Variants in LYST observed in about 807,000 individuals in gnomAD.
The protein encoded by LYST is lysosomal-trafficking regulator.
LYST carries 192 observed loss-of-function variants against 413.6 expected under a neutral mutation model. The observed-to-expected ratio is 0.46, with a 90% CI of 0.41 to 0.52. LYST has a LOEUF of 0.52. Ranked by LOEUF, LYST falls within the 20% of genes least tolerant of loss-of-function variation. The pLI is 0.00. For missense variants in LYST, 3,815 were observed against 4,499.9 expected, an observed-to-expected ratio of 0.85 and a Z score of 4.35; for synonymous variants, 1,525 against 1,567.3, an observed-to-expected ratio of 0.97 and a Z score of 0.64.
At chr1:235,764,785 G>T (rs1016435837) in intron 21 of LYST, among the ~76,000 whole-genome samples, 1 of 151,976 alleles carries the variant, frequency 6.6e-6, no homozygotes, top group Non-Finnish European at 1.5e-5. Context: ...TTACAGGCGT[G>T]AGCCACCGTG....
intron 50 of LYST, among the ~76,000 whole-genome samples, chr1:235,665,437 C>A (rs924363307): frequency 6.6e-5 from 10 of 151,518 alleles, no homozygotes; most frequent in South Asian, 2.1e-4. Context: ...TGGTGAAACC[C>A]CATCTCTACT....
chr1:235,830,661 T>C (rs1675875131), intron 2 of LYST, among the ~76,000 whole-genome samples: 1 of 152,198 alleles, frequency 6.6e-6, no homozygotes, highest in African/African-American at 2.4e-5. Flanking sequence ...TAGCTGAGAA[T>C]AGGTAAGTAA....
intron 50 of LYST, among the ~76,000 whole-genome samples, chr1:235,671,713 T>C (rs891348967): frequency 6.6e-6 from 1 of 151,930 alleles, no homozygotes; most frequent in Non-Finnish European, 1.5e-5. Flanking sequence ...GGTTATAGCA[T>C]AGTGATTAAG....
intron 10 of LYST, among the ~76,000 whole-genome samples, chr1:235,798,020 A>G (rs554334441): frequency 8.5e-5 from 13 of 152,348 alleles, no homozygotes; most frequent in African/African-American, 3.1e-4. Flanking sequence ...GTACATGAAA[A>G]GAGGTTCAAC....
chr1:235,794,039 G>T (rs972514425), intron 10 of LYST, among the ~76,000 whole-genome samples: 1 of 151,936 alleles, frequency 6.6e-6, no homozygotes, highest in African/African-American at 2.4e-5. Flanking sequence ...CACCATGTTG[G>T]CCAGGCTGGT....
chr1:235,789,806 C>T (rs949437461), intron 12 of LYST, among the ~76,000 whole-genome samples: 5 of 152,014 alleles, frequency 3.3e-5, no homozygotes, highest in Non-Finnish European at 7.4e-5. Flanking sequence ...ATGTTCCATA[C>T]CAAATATGAA....
At chr1:235,688,568 G>A (rs1486467653) in intron 47 of LYST, among the ~76,000 whole-genome samples, 2 of 152,120 alleles carry the variant, frequency 1.3e-5, no homozygotes, top group Non-Finnish European at 2.9e-5. Flanking sequence ...GCTGACAGAG[G>A]AAGATGTTTC....
At chr1:235,786,970 C>G in intron 14 of LYST, 2 of 358,834 alleles carry the variant, frequency 5.6e-6, no homozygotes, top group Non-Finnish European at 1.1e-5. Context: ...ATGGGTGCAG[C>G]ACACCAACAT....
Position 235,804,518 on chromosome 1 carries a change from C to T in LYST, c.3541G>A (p.Ala1181Thr), listed in dbSNP as rs574092172. Reference sequence around the variant, plus strand: ...GTTATTCATACCTTCTCAGTCATAGCATCATTATGTTCAAAATCTGCTGAA... The same window carrying T: ...GTTATTCATACCTTCTCAGTCATAGTATCATTATGTTCAAAATCTGCTGAA... ...NYSADFEHND[A>T]MTEKSHQSAE... Residue 1181 changes from alanine to threonine, a missense_variant, in exon 7 of 53, where the codon GCT becomes ACT. Ala to Thr is a moderately conservative substitution (Grantham distance 58). Around this residue, in one of 4 missense-constraint regions of LYST, gnomAD observed 1,648 missense variants for 1,810.3 expected, o/e 0.91. Transcript: ENST00000389793. 1.2e-6 allele frequency: 2 copies of T among 1,613,538 alleles called. No homozygotes were observed. The highest frequency in any genetic ancestry group is 2.7e-5 in the African/African-American group (2 of 75,036).
At chr1:235,771,884 A>G (rs1572207968) in intron 19 of LYST, among the ~76,000 whole-genome samples, 1 of 113,102 alleles carries the variant, frequency 8.8e-6, no homozygotes, top group Admixed American at 8.7e-5. Flanking sequence ...ACTTATTTTT[A>G]TTACTAATAG....
At position 235,751,344 on chromosome 1, in the gene LYST, T is replaced by C; in HGVS notation, c.7646A>G (p.Gln2549Arg). 1.2e-6 allele frequency: 2 copies of C among 1,613,750 alleles called. No homozygotes were observed. The highest frequency in any genetic ancestry group is 1.7e-6 in the Non-Finnish European group (2 of 1,179,756). Residue 2549 changes from glutamine (Q) to arginine (R), a missense_variant, in exon 28 of 53, where the codon CAG (glutamine) becomes CGG (arginine). Gln to Arg is a conservative substitution (Grantham distance 43). Around this residue, in one of 4 missense-constraint regions of LYST, gnomAD observed 771 missense variants for 837.1 expected, o/e 0.92. Coordinates refer to ENST00000389793, the MANE Select transcript of LYST (RefSeq NM_000081.4). Reference sequence around the variant, plus strand: ...CATAGCAGCCTGGAGAACTCTAAGCTGTAGTGCAACAGCCATATCTAAAAA... The same window carrying C: ...CATAGCAGCCTGGAGAACTCTAAGCCGTAGTGCAACAGCCATATCTAAAAA... The part of the protein sequence containing the change: ...KRTQNMAVAL[Q>R]LRVLQAAMEF...
At chr1:235,839,105 G>T (rs145150526) in intron 1 of LYST, among the ~76,000 whole-genome samples, 1 of 152,026 alleles carries the variant, frequency 6.6e-6, no homozygotes, top group Non-Finnish European at 1.5e-5. Flanking sequence ...GATTACAGGC[G>T]TGAGCCACTG....
At position 235,697,071 on chromosome 1, in the gene LYST, A is replaced by G. The variant is rs751710591; in HGVS notation, c.10564+12T>C. ...ATATATCCAGAATGATCTTCGTTAC[A>G]TTTTATTTTACCTTGTTCCTTGCTA... On this transcript the variant is annotated intron_variant, in intron 46 of 52. Coordinates refer to ENST00000389793, the MANE Select transcript of LYST (RefSeq NM_000081.4). 1.2e-6 allele frequency: 2 copies of G among 1,611,100 alleles called. No individual in the cohort carries two copies. The highest frequency in any genetic ancestry group is 1.7e-6 in the Non-Finnish European group (2 of 1,177,220).
intron 22 of LYST, among the ~76,000 whole-genome samples, chr1:235,762,308 A>G (rs1395093457): frequency 6.6e-6 from 1 of 152,224 alleles, no homozygotes; most frequent in Non-Finnish European, 1.5e-5. Flanking sequence ...AGTCCAAGAC[A>G]GATGCATGCA....
intron 27 of LYST, 130 bp from the exon 28 acceptor site, chr1:235,751,492 G>A: frequency 1.4e-6 from 1 of 729,776 alleles, no homozygotes; most frequent in South Asian, 1.8e-5. Flanking sequence ...TGGGGATGAT[G>A]GTAGTAGACA....
chr1:235,720,689 G>T lies in LYST; in HGVS notation c.9532C>A (p.Leu3178Ile). 6.2e-7 allele frequency: 1 copy of T among 1,613,706 alleles called. No individual in the cohort carries two copies. Among genetic ancestry groups the T allele is most frequent in the Non-Finnish European group, 8.5e-7 (1 of 1,179,618 alleles). Residue 3178 changes from leucine to isoleucine, a missense_variant, in exon 40 of 53, where the codon CTT (leucine) becomes ATT (isoleucine). Leu to Ile is a conservative substitution (Grantham distance 5). Coordinates refer to ENST00000389793, the MANE Select transcript of LYST (RefSeq NM_000081.4). ...FILADYVSET[L>I]DLNDLLIYRN... Reference sequence around the variant, plus strand: ...TATATCAACAGATCATTGAGGTCAAGTGTCTCACTAACGTAGTCAGCAAGT... The same window carrying T: ...TATATCAACAGATCATTGAGGTCAATTGTCTCACTAACGTAGTCAGCAAGT...
At chr1:235,866,939 G>T (rs1296910628), upstream of LYST, 2 of 77,866 alleles carry the variant, frequency 2.6e-5, no homozygotes, top group Non-Finnish European at 5.6e-5. Flanking sequence ...CCCCACCCCC[G>T]CCCGCCCAGG....
chr1:235,742,456 G>GA (rs980963372), intron 30 of LYST, among the ~76,000 whole-genome samples: 119 of 133,146 alleles, frequency 8.9e-4, no homozygotes, highest in East Asian at 8.6e-4. Flanking sequence ...CTCCATCTCA[G>GA]AAAAAAAAAA....
chr1:235,666,005 G>C (rs1267447913), intron 50 of LYST, among the ~76,000 whole-genome samples: 6 of 151,696 alleles, frequency 4.0e-5, no homozygotes, highest in Non-Finnish European at 8.8e-5. Context: ...CATATAAGTA[G>C]AGGCTTTGCT....
Sources: gnomAD v4.1 joint callset for allele counts (sites outside exome capture counted in the v4.1 genomes callset) on GRCh38, gnomAD v4.1.1 for gene constraint, gnomAD v4.1.1 regional missense constraint, MANE v1.5 for transcripts, NCBI Gene and HGNC (gene_info 2026-07-23, HGNC 2026-07-21) for gene names.